The following PRDM16 variants were observed in gnomAD, a reference collection of about 807,000 sequenced individuals.
PRDM16 encodes the protein PR/SET domain 16.
A neutral mutation model predicts 110.6 loss-of-function variants in PRDM16; 23 were observed. That is an observed-to-expected ratio of 0.21 (90% CI 0.15 to 0.29). PRDM16 has a LOEUF of 0.29. Ranked by LOEUF, PRDM16 falls within the 10% of genes least tolerant of loss-of-function variation. The pLI is 1.00. For missense variants in PRDM16, 1,615 were observed against 1,794.3 expected, an observed-to-expected ratio of 0.90 and a Z score of 1.81; for synonymous variants, 799 against 781.8, an observed-to-expected ratio of 1.02 and a Z score of -0.37.
intron 3 of PRDM16, among the ~76,000 whole-genome samples, chr1:3,271,941 C>T (rs2455124): frequency 0.21 from 31,290 of 152,172 alleles, 4,186 homozygotes; most frequent in African/African-American, 0.35. Flanking sequence ...TGCCTGATCA[C>T]AAGACCACAC....
In PRDM16 at chr1:3,292,224, C is replaced by CGTG. The variant is rs1431047356; in HGVS notation, c.438+48089_438+48091dup. 4.6e-5 allele frequency among the ~76,000 whole-genome samples: 7 copies of CGTG among 152,300 alleles called. No individual in the cohort carries two copies. In the East Asian group the frequency reaches 1.4e-3, roughly 29 times the overall value. ...AATGCCGTCGCCAGGAGGAACCTGCCGTGGCCCGGCCTCAAGTCCTGTTAC... is the reference window on the plus strand; with the variant it reads ...AATGCCGTCGCCAGGAGGAACCTGCCGTGGTGGCCCGGCCTCAAGTCCTGTTAC... On this transcript the variant is annotated intron_variant, in intron 3 of 16. Transcript: ENST00000270722.
intron 4 of PRDM16, among the ~76,000 whole-genome samples, chr1:3,394,949 C>G (rs970473200): frequency 6.6e-6 from 1 of 151,956 alleles, no homozygotes; most frequent in Non-Finnish European, 1.5e-5. Flanking sequence ...ACTTTTACAT[C>G]TCCTCATAAT....
intron 1 of PRDM16, among the ~76,000 whole-genome samples, chr1:3,112,607 G>C (rs1206390698): frequency 2.0e-5 from 3 of 152,238 alleles, no homozygotes; most frequent in Admixed American, 1.3e-4. Flanking sequence ...CACGCTGCTG[G>C]TGGAGGGAGC....
At chr1:3,383,844 T>TGCCCACCAGGACACACCTGCAG (rs1557644729) in intron 3 of PRDM16, among the ~76,000 whole-genome samples, 2 of 141,570 alleles carry the variant, frequency 1.4e-5, no homozygotes, top group Admixed American at 7.1e-5. Context: ...CACACCTGCC[T>TGCCCACCAGGACACACCTGCAG]AAGGACACAC....
intron 1 of PRDM16, among the ~76,000 whole-genome samples, chr1:3,120,433 G>A (rs1643069634): frequency 6.6e-6 from 1 of 152,218 alleles, no homozygotes; most frequent in African/African-American, 2.4e-5. Context: ...GAGGACGGGA[G>A]GGGCTTTGCT....
rs1300501272 is a variant in PRDM16 at position 3,165,471 on chromosome 1, T to C, written c.38-20654T>C. Among the ~76,000 whole-genome samples the C allele has an allele frequency of 7.4e-3, 569 of 76,760 alleles. 2 individuals are homozygous for C. Among genetic ancestry groups the C allele is most frequent in the Middle Eastern group, 0.014 (2 of 144 alleles). The allele number at this position is 76,760 out of a possible 152,430, so 50.4% of individuals were successfully genotyped here. ...CTCAGGGACAGTGACTCACCTGGGC[T>C]CAGGGACAGTGACTCACCTGGGCTC... On this transcript the variant is annotated intron_variant, in intron 1 of 16. Coordinates refer to ENST00000270722, the MANE Select transcript of PRDM16 (RefSeq NM_022114.4).
At chr1:3,367,079 CCAACATG>C (rs1642829292) in intron 3 of PRDM16, among the ~76,000 whole-genome samples, 1 of 152,154 alleles carries the variant, frequency 6.6e-6, no homozygotes, top group African/African-American at 2.4e-5. Flanking sequence ...ACCAGTCTGG[CCAACATG>C]GTGAAACGTC....
intron 12 of PRDM16, among the ~76,000 whole-genome samples, chr1:3,419,633 G>C (rs1638374712): frequency 6.6e-6 from 1 of 152,176 alleles, no homozygotes; most frequent in Admixed American, 6.5e-5. Flanking sequence ...GGGATAAAGA[G>C]TGCTTCACAC....
At chr1:3,376,452 C>G (rs1642991713) in intron 3 of PRDM16, among the ~76,000 whole-genome samples, 1 of 152,174 alleles carries the variant, frequency 6.6e-6, no homozygotes, top group Admixed American at 6.5e-5. Flanking sequence ...GGGCCATGCT[C>G]TTGGGGCTGT....
intron 3 of PRDM16, among the ~76,000 whole-genome samples, chr1:3,378,891 C>A (rs866105011): frequency 6.6e-6 from 1 of 152,002 alleles, no homozygotes; most frequent in Non-Finnish European, 1.5e-5. Context: ...AGCTCCTCCT[C>A]CATCTGCTCC....
Position 3,412,809 on chromosome 1 carries a change from C to A in PRDM16, c.2603+9C>A. 6.9e-7 allele frequency: 1 copy of A among 1,445,612 alleles called. No individual in the cohort carries two copies. Among genetic ancestry groups the A allele is most frequent in the Admixed American group, 2.8e-5 (1 of 35,506 alleles). 89.5% of individuals were successfully genotyped at this position (1,445,612 alleles called of 1,614,324 possible). Reference sequence around the variant, plus strand: ...ATGGACCCCATCTACAGGTATTCAGCACCCCAGCCTCACTGGCTCTCCCTG... The same window carrying A: ...ATGGACCCCATCTACAGGTATTCAGAACCCCAGCCTCACTGGCTCTCCCTG... On this transcript the variant is annotated intron_variant, in intron 9 of 16. Coordinates refer to ENST00000270722, the MANE Select transcript of PRDM16 (RefSeq NM_022114.4).
At chr1:3,114,247 T>C (rs376006213) in intron 1 of PRDM16, among the ~76,000 whole-genome samples, 2 of 104,782 alleles carry the variant, frequency 1.9e-5, no homozygotes, top group East Asian at 3.2e-4. Context: ...AGTGTAAACA[T>C]GCACACGCAC....
chr1:3,211,767 CGGT>C (rs1428978008), intron 2 of PRDM16, among the ~76,000 whole-genome samples: 4 of 152,234 alleles, frequency 2.6e-5, no homozygotes, highest in Non-Finnish European at 5.9e-5. Context: ...GAACAGCACA[CGGT>C]GGCCCATGGC....
At chr1:3,200,584 T>C (rs992207525) in intron 2 of PRDM16, among the ~76,000 whole-genome samples, 5 of 152,168 alleles carry the variant, frequency 3.3e-5, no homozygotes, top group Non-Finnish European at 5.9e-5. Flanking sequence ...CCCTGTGATC[T>C]GCCCGCCTCG....
In PRDM16 at chr1:3,245,645, A is replaced by G. The variant is rs2455118; in HGVS notation, c.438+1508A>G. Reference sequence around the variant, plus strand: ...GGATGCCTGAGGTCTTCCTGCACCCACGTTTGACTGGAGCAAATGGAGCAA... The same window carrying G: ...GGATGCCTGAGGTCTTCCTGCACCCGCGTTTGACTGGAGCAAATGGAGCAA... On this transcript the variant is annotated intron_variant, in intron 3 of 16. Coordinates refer to ENST00000270722, the MANE Select transcript of PRDM16 (RefSeq NM_022114.4). The surrounding 1 kb of genome is among the most constrained non-coding windows in gnomAD (Gnocchi z 4.7). Among the ~76,000 whole-genome samples, 48,792 of 151,938 alleles carry G rather than the reference A, an allele frequency of 0.32. 11,734 individuals are homozygous for G. The highest frequency in any genetic ancestry group is 0.67 in the African/African-American group (27,966 of 41,434).
rs142833097 is a variant in PRDM16, at chr1:3,226,866, C to T, written c.388-17221C>T. On this transcript the variant is annotated intron_variant, in intron 2 of 16. Transcript: ENST00000270722. ...CTTCTCCTAATTGTACAGTGCTCCG[C>T]GCTAATCAACATCCAATGCCCGTTC... is the stretch of plus-strand genomic sequence containing the variant. 1.4e-4 allele frequency among the ~76,000 whole-genome samples: 21 copies of T among 152,254 alleles called. No homozygotes were observed. The East Asian group carries it at 1.5e-3, about 11-fold the overall frequency.
At chr1:3,097,800 C>T (rs542670424) in intron 1 of PRDM16, among the ~76,000 whole-genome samples, 9 of 152,242 alleles carry the variant, frequency 5.9e-5, no homozygotes, top group South Asian at 2.1e-4. Flanking sequence ...TGTTTGGCCT[C>T]GTGTAGAGAG....
In PRDM16 at chr1:3,259,860, C is replaced by T. The variant is rs190999569; in HGVS notation, c.438+15723C>T. 3.9e-3 allele frequency among the ~76,000 whole-genome samples: 594 copies of T among 152,196 alleles called. 3 individuals are homozygous for T. The highest frequency in any genetic ancestry group is 0.014 in the African/African-American group (561 of 41,524). ...GGTCTGGTCCCAGCTGTCCCTCCCTCGTTAGTGCAGCAGGTGCCGTCTGTG... is the reference window on the plus strand; with the variant it reads ...GGTCTGGTCCCAGCTGTCCCTCCCTTGTTAGTGCAGCAGGTGCCGTCTGTG... On this transcript the variant is annotated intron_variant, in intron 3 of 16. Transcript: ENST00000270722.
chr1:3,070,359 C>T (rs896847575), intron 1 of PRDM16, among the ~76,000 whole-genome samples: 2 of 147,910 alleles, frequency 1.4e-5, no homozygotes, highest in African/African-American at 4.9e-5. Flanking sequence ...CACCCCGCAG[C>T]CCCGGTCGCC....
Sources: allele counts gnomAD v4.1 joint callset (sites outside exome capture counted in the v4.1 genomes callset), GRCh38; gene constraint gnomAD v4.1.1; non-coding constraint Gnocchi (gnomAD v3.1); transcripts MANE v1.5; gene names NCBI Gene and HGNC (gene_info 2026-07-23, HGNC 2026-07-21).